FMR1: variants seen among roughly 807,000 people sequenced by gnomAD.
FMR1 encodes fragile X messenger ribonucleoprotein 1.
Under a neutral mutation model 50.6 loss-of-function variants are expected in FMR1, and 13 were observed. That is an observed-to-expected ratio of 0.26 (90% confidence interval 0.17 to 0.41). The LOEUF is 0.41. Among genes scored for constraint, FMR1 ranks in the 10% least tolerant of loss-of-function variants. The probability of loss-of-function intolerance (pLI) is 1.00; values close to 1 mark genes in which losing one functional copy is unlikely to be tolerated. For missense variants in FMR1, 316 were observed against 491.3 expected, an observed-to-expected ratio of 0.64 and a Z score of 3.37; for synonymous variants, 138 against 164.1, an observed-to-expected ratio of 0.84 and a Z score of 1.22.
intron 14 of FMR1, 91 bp downstream of exon 14, chrX:147,943,417 A>G (rs2044070909): frequency 1.2e-6 from 1 of 822,945 alleles, no homozygotes; most frequent in African/African-American, 2.0e-5. Context: ...CATTATAACA[A>G]TTTGCCGCTA....
intron 1 of FMR1, among the ~76,000 whole-genome samples, chrX:147,920,645 C>T (rs2043116033): frequency 8.9e-6 from 1 of 111,785 alleles, no homozygotes; most frequent in Admixed American, 9.5e-5. Flanking sequence ...CTGACACCAC[C>T]CTCAGAAAAC....
In FMR1 at chrX:147,912,190, T is replaced by G; in HGVS notation, c.11T>G (p.Leu4Arg). MEE[L>R]VVEVRGSNGA... is the part of the protein sequence containing the mutation. ...AGGGCTGAAGAGAAGATGGAGGAGCTGGTGGTGGAAGTGCGGGGCTCCAAT... is the reference window on the plus strand; with the variant it reads ...AGGGCTGAAGAGAAGATGGAGGAGCGGGTGGTGGAAGTGCGGGGCTCCAAT... Residue 4 changes from leucine to arginine, a missense_variant, in exon 1 of 17, where the codon CTG becomes CGG. By Grantham distance (102) the Leu-to-Arg change is moderately radical. This residue lies in a region of FMR1 where 124 missense variants were observed against 238.1 expected (regional missense o/e 0.52). Transcript: ENST00000370475. The G allele has an allele frequency of 8.7e-7, 1 of 1,154,399 alleles. No homozygotes were observed. The highest frequency in any genetic ancestry group is 1.2e-6 in the Non-Finnish European group (1 of 867,206).
intron 1 of FMR1, among the ~76,000 whole-genome samples, chrX:147,921,465 A>G (rs1602955624): frequency 9.1e-6 from 1 of 109,996 alleles, no homozygotes; most frequent in Non-Finnish European, 1.9e-5. Context: ...GTGTGCGTAT[A>G]TATATATATA....
chrX:147,927,913 T>C (rs1284869171), intron 3 of FMR1: 2 of 128,029 alleles, frequency 1.6e-5, no homozygotes, highest in African/African-American at 3.2e-5. Flanking sequence ...AACAAGACAG[T>C]AGGGCATGGT....
chrX:147,937,599 G>C lies in FMR1; in HGVS notation c.1124G>C (p.Arg375Thr). ...FSQPNSTKVQ[R>T]VLVASSVVAG... ...CAACCTAACAGTACAAAAGTCCAGA[G>C]GGTAAGAATTACTTGTCACTTTGAA... Residue 375 changes from arginine to threonine, a missense_variant and splice_region_variant, in exon 11 of 17, where the codon AGG becomes ACG. Transcript: ENST00000370475. 1.2e-6 allele frequency: 1 copy of C among 856,238 alleles called. No individual in the cohort carries two copies. Among genetic ancestry groups the C allele is most frequent in the Non-Finnish European group, 1.7e-6 (1 of 571,481 alleles). 70.6% of individuals were successfully genotyped at this position (856,238 alleles called of 1,213,427 possible).
At chrX:147,919,740 T>C (rs1389913056) in intron 1 of FMR1, among the ~76,000 whole-genome samples, 2 of 112,281 alleles carry the variant, frequency 1.8e-5, no homozygotes, top group African/African-American at 6.5e-5. Flanking sequence ...TAAGCATTAT[T>C]GAAGAAGCTT....
chrX:147,929,503 T>G (rs965679611), intron 5 of FMR1, among the ~76,000 whole-genome samples: 2 of 110,008 alleles, frequency 1.8e-5, no homozygotes, highest in African/African-American at 6.6e-5. Flanking sequence ...CGTGATGTGC[T>G]TATTTCATAT....
At chrX:147,948,225 G>A (rs1373087268) in intron 16 of FMR1, among the ~76,000 whole-genome samples, 2 of 112,486 alleles carry the variant, frequency 1.8e-5, no homozygotes, top group Non-Finnish European at 3.8e-5. Context: ...TTAAAGTCTA[G>A]TTAGTGAGTT....
At chrX:147,922,080 G>T in intron 2 of FMR1, 95 bp downstream of exon 2, 1 of 546,078 alleles carries the variant, frequency 1.8e-6, no homozygotes, top group Non-Finnish European at 3.1e-6. Flanking sequence ...TCCAGTTTGA[G>T]TGCTTTTCAG....
rs1557182929 is a variant in FMR1 at position 147,949,408 on chromosome X, C to T, written c.*564C>T. The T allele has an allele frequency of 6.1e-6, 2 of 326,969 alleles. No homozygotes were observed. Among genetic ancestry groups the T allele is most frequent in the East Asian group, 9.8e-5 (1 of 10,234 alleles). The allele number at this position is 326,969 out of a possible 1,213,427, so 26.9% of individuals were successfully genotyped here. ...GATCTGTGCCTTTTTTATATCTTGG[C>T]AGGTAGGAATATTATATTTGGATGC... is the stretch of plus-strand genomic sequence containing the variant. On this transcript the variant is annotated 3_prime_UTR_variant, in exon 17 of 17. Transcript: ENST00000370475.
chrX:147,914,263 T>A (rs2042740555), intron 1 of FMR1: 1 of 112,482 alleles, frequency 8.9e-6, no homozygotes, highest in Non-Finnish European at 1.9e-5. Flanking sequence ...TTTAATTAAG[T>A]TTGATTTCTA....
Position 147,911,939 on chromosome X carries a change from C to G in FMR1, c.-241C>G, listed in dbSNP as rs1405653254. ...TCGGCCTCAGTCAGGCGCTCAGCTC[C>G]GTTTCGGTTTCACTTCCGGTGGAGG... On this transcript the variant is annotated 5_prime_UTR_variant, in exon 1 of 17. Coordinates refer to ENST00000370475, the MANE Select transcript of FMR1 (RefSeq NM_002024.6). 9.0e-6 allele frequency: 1 copy of G among 110,973 alleles called. No individual in the cohort carries two copies. The highest frequency in any genetic ancestry group is 1.9e-5 in the Non-Finnish European group (1 of 52,455). 9.1% of individuals were successfully genotyped at this position (110,973 alleles called of 1,213,427 possible). A position where few individuals can be genotyped will look rare whatever the true frequency, so the allele number is the denominator to read the frequency against.
chrX:147,928,606 C>G lies in FMR1; in HGVS notation c.271-53C>G, dbSNP rs2043474032. The G allele has an allele frequency of 1.2e-5, 13 of 1,084,188 alleles. No homozygotes were observed. The South Asian group carries it at 2.3e-4, about 19-fold the overall frequency. The allele number at this position is 1,084,188 out of a possible 1,213,427, so 89.3% of individuals were successfully genotyped here. ...TAAAATAACTGAATAGGGAGAACTT[C>G]TTATTCTTACTTTAAAAATTGTGAT... On this transcript the variant is annotated intron_variant, in intron 4 of 16. Transcript: ENST00000370475.
chrX:147,920,746 A>C (rs141277647), intron 1 of FMR1, among the ~76,000 whole-genome samples: 325 of 112,265 alleles, frequency 2.9e-3, no homozygotes, highest in Non-Finnish European at 4.9e-3. Flanking sequence ...TGCAGAGGAC[A>C]GGAATTTAAC....
intron 13 of FMR1, among the ~76,000 whole-genome samples, chrX:147,941,492 G>T (rs1379584906): frequency 2.7e-5 from 3 of 112,288 alleles, no homozygotes; most frequent in Non-Finnish European, 3.8e-5. Context: ...ATGGCATTAA[G>T]AATTTTTTTG....
chrX:147,929,324 A>G (rs2043505452), intron 5 of FMR1, among the ~76,000 whole-genome samples: 1 of 111,852 alleles, frequency 8.9e-6, no homozygotes, highest in Non-Finnish European at 1.9e-5. Context: ...TTAAGTGAAT[A>G]CAGTACGTTT....
At chrX:147,914,092 CT>C (rs1227249453) in intron 1 of FMR1, 1 of 112,267 alleles carries the variant, frequency 8.9e-6, no homozygotes, top group African/African-American at 3.2e-5. Context: ...TAAGAAATGC[CT>C]TCTATTTTTG....
intron 10 of FMR1, 71 bp from the exon 11 acceptor site, chrX:147,937,395 C>T (rs1557179820): frequency 1.5e-6 from 1 of 664,823 alleles, no homozygotes. Flanking sequence ...TGATTGATAA[C>T]ACTAATAGAG....
intron 9 of FMR1, chrX:147,933,351 A>T: frequency 3.4e-6 from 2 of 587,815 alleles, no homozygotes; most frequent in Non-Finnish European, 4.9e-6. Context: ...TTTGTATTTG[A>T]TCTTTCTTAT....
Sources: allele counts gnomAD v4.1 joint callset (sites outside exome capture counted in the v4.1 genomes callset), GRCh38; gene constraint gnomAD v4.1.1; regional missense constraint gnomAD v4.1.1; transcripts MANE v1.5; gene names NCBI Gene and HGNC (gene_info 2026-07-23, HGNC 2026-07-21).